NFIB: variants seen among roughly 807,000 people sequenced by gnomAD.
NFIB encodes nuclear factor I B.
Under a neutral mutation model 61.5 loss-of-function variants are expected in NFIB, and 11 were observed. The ratio of observed to expected loss-of-function variants is 0.18; its 90% confidence interval spans 0.11 to 0.30. The LOEUF (loss-of-function observed/expected upper bound fraction) is 0.30. NFIB is among the 10% of genes least tolerant of loss of function. NFIB has a pLI of 1.00. For missense variants in NFIB, 471 were observed against 608.9 expected (o/e 0.77, Z 2.38); for synonymous variants, 260 against 216.5 (o/e 1.20, Z -1.76).
At chr9:14,133,556 A>G (rs989402399) in intron 6 of NFIB, among the ~76,000 whole-genome samples, 1 of 152,216 alleles carries the variant, frequency 6.6e-6, no homozygotes, top group Non-Finnish European at 1.5e-5. Flanking sequence ...GTCAGTCCTG[A>G]GACAAGGAAA....
At chr9:14,365,633 C>T (rs2061290945) in intron 1 of NFIB, among the ~76,000 whole-genome samples, 1 of 152,190 alleles carries the variant, frequency 6.6e-6, no homozygotes, top group African/African-American at 2.4e-5. Context: ...GATTCTTATA[C>T]CTTCTAAGAC....
chr9:14,306,402 T>C (rs1278620835), intron 2 of NFIB, among the ~76,000 whole-genome samples: 1 of 152,226 alleles, frequency 6.6e-6, no homozygotes, highest in African/African-American at 2.4e-5. Context: ...TCAAAAGTGA[T>C]GATAGAAATA....
At chr9:14,285,131 T>C (rs1375119250) in intron 2 of NFIB, among the ~76,000 whole-genome samples, 1 of 152,222 alleles carries the variant, frequency 6.6e-6, no homozygotes, top group South Asian at 2.1e-4. Context: ...CTTTCCAATT[T>C]TCTTTTCTTG....
intron 3 of NFIB, among the ~76,000 whole-genome samples, chr9:14,163,453 G>A (rs1451361762): frequency 6.6e-6 from 1 of 151,788 alleles, no homozygotes; most frequent in Non-Finnish European, 1.5e-5. Flanking sequence ...TAAATGGGTA[G>A]GCAAAGAGAA....
At chr9:14,414,443 A>G in the NFIB span, among the ~76,000 whole-genome samples, 3 of 150,544 alleles carry the variant, frequency 2.0e-5, no homozygotes, top group Non-Finnish European at 4.4e-5. Context: ...AAAAAAAAAA[A>G]AAAAAAAAGA....
chr9:14,171,295 G>A (rs1784088621), intron 3 of NFIB, among the ~76,000 whole-genome samples: 1 of 152,060 alleles, frequency 6.6e-6, no homozygotes, highest in African/African-American at 2.4e-5. Context: ...TCTTTCCTCG[G>A]CTAGGACTAT....
At chr9:14,230,976 G>GAA (rs763174091) in intron 2 of NFIB, among the ~76,000 whole-genome samples, 15,303 of 151,358 alleles carry the variant, frequency 0.1, 987 homozygotes, top group South Asian at 0.17. Flanking sequence ...GGCAAAGGGG[G>GAA]AGCGGAGAAA....
rs1433528728 is a variant in NFIB at position 14,314,044 on chromosome 9, C to G, written c.-533G>C. Reference sequence around the variant, plus strand: ...GCGCTGGGAAAGTTCAAGGTTACAGCCCCAAGCACTGCGGCAGGATCCCGG... The same window carrying G: ...GCGCTGGGAAAGTTCAAGGTTACAGGCCCAAGCACTGCGGCAGGATCCCGG... On this transcript the variant is annotated 5_prime_UTR_variant, in exon 1 of 11. Transcript: ENST00000380953. 1 of 1,066,960 alleles carries G rather than the reference C, an allele frequency of 9.4e-7. No homozygotes were observed. The highest frequency in any genetic ancestry group is 1.1e-6 in the Non-Finnish European group (1 of 880,968). The allele number at this position is 1,066,960 out of a possible 1,614,324, so 66.1% of individuals were successfully genotyped here.
chr9:14,409,431 C>T, the NFIB span, among the ~76,000 whole-genome samples: 791 of 152,230 alleles, frequency 5.2e-3, 4 homozygotes, highest in African/African-American at 0.018. Context: ...AGCCACACGG[C>T]TGGATTGCAG....
At chr9:14,292,479 A>G (rs1157900176) in intron 2 of NFIB, among the ~76,000 whole-genome samples, 1 of 152,232 alleles carries the variant, frequency 6.6e-6, no homozygotes, top group Non-Finnish European at 1.5e-5. Flanking sequence ...AGCATGTGCT[A>G]AACTTTATTA....
chr9:14,106,332 C>T (rs924225929), intron 10 of NFIB, among the ~76,000 whole-genome samples: 3 of 151,934 alleles, frequency 2.0e-5, no homozygotes, highest in African/African-American at 7.3e-5. Context: ...TATGCACATA[C>T]CAATATGAAA....
At chr9:14,451,545 A>C in the NFIB span, among the ~76,000 whole-genome samples, 1 of 152,198 alleles carries the variant, frequency 6.6e-6, no homozygotes, top group Non-Finnish European at 1.5e-5. Context: ...AAAACAAAAC[A>C]AAACCCACAA....
At chr9:14,293,484 G>A (rs576944697) in intron 2 of NFIB, among the ~76,000 whole-genome samples, 2 of 152,174 alleles carry the variant, frequency 1.3e-5, no homozygotes, top group Non-Finnish European at 1.5e-5. Context: ...AGAAGCCCAT[G>A]GTGAGGAGGA....
intron 6 of NFIB, among the ~76,000 whole-genome samples, chr9:14,130,519 A>G (rs2040275021): frequency 6.6e-6 from 1 of 152,096 alleles, no homozygotes; most frequent in Admixed American, 6.6e-5. Context: ...TTTTGTTTGT[A>G]TCTTATATTG....
At chr9:14,243,319 T>C (rs1157490802) in intron 2 of NFIB, among the ~76,000 whole-genome samples, 1 of 152,152 alleles carries the variant, frequency 6.6e-6, no homozygotes, top group Non-Finnish European at 1.5e-5. Context: ...TATTACCTTC[T>C]CAAAAAATAT....
intron 2 of NFIB, among the ~76,000 whole-genome samples, chr9:14,276,878 G>C (rs1463127404): frequency 2.6e-5 from 4 of 151,526 alleles, no homozygotes; most frequent in African/African-American, 9.7e-5. Context: ...TTTTTAAAAA[G>C]TACATCTTTT....
Position 14,313,348 on chromosome 9 carries a change from T to C in NFIB, c.30+134A>G. On this transcript the variant is annotated intron_variant, in intron 1 of 10. Transcript: ENST00000380953. The surrounding 1 kb of genome is among the most constrained non-coding windows in gnomAD (Gnocchi z 4.5). ...TCCCACGCCGCCCCGCGACGCCCGC[T>C]GCAACTCCGGGCCACTTCTCCAAGG... is the stretch of plus-strand genomic sequence containing the variant. The C allele has an allele frequency of 7.8e-7, 1 of 1,287,984 alleles. No homozygotes were observed. Among genetic ancestry groups the C allele is most frequent in the South Asian group, 1.4e-5 (1 of 71,212 alleles). 79.8% of individuals were successfully genotyped at this position (1,287,984 alleles called of 1,614,324 possible).
chr9:14,250,513 C>G (rs551363702), intron 2 of NFIB, among the ~76,000 whole-genome samples: 1 of 152,288 alleles, frequency 6.6e-6, no homozygotes, highest in East Asian at 1.9e-4. Flanking sequence ...TCATTGGCTA[C>G]TACATCCCCA....
intron 10 of NFIB, among the ~76,000 whole-genome samples, chr9:14,104,556 G>T (rs930507260): frequency 2.6e-5 from 4 of 151,980 alleles, no homozygotes; most frequent in African/African-American, 9.7e-5. Context: ...TCTAGTCAAT[G>T]AAAATGGAAG....
Sources: allele counts gnomAD v4.1 joint callset (sites outside exome capture counted in the v4.1 genomes callset), GRCh38; gene constraint gnomAD v4.1.1; non-coding constraint Gnocchi (gnomAD v3.1); transcripts MANE v1.5; gene names NCBI Gene and HGNC (gene_info 2026-07-23, HGNC 2026-07-21).